PDE6D: variants seen among roughly 807,000 people sequenced by gnomAD.
PDE6D encodes phosphodiesterase 6D, also known as retinal rod rhodopsin-sensitive cGMP 3',5'-cyclic phosphodiesterase subunit delta.
PDE6D carries 10 observed loss-of-function variants against 21.9 expected under a neutral mutation model. The observed-to-expected ratio is 0.46, with a 90% CI of 0.28 to 0.78. The LOEUF (loss-of-function observed/expected upper bound fraction) is 0.78, where lower values mean the gene tolerates loss of function less well. PDE6D is among the 30% of genes least tolerant of loss of function. The pLI is 0.12. For missense variants in PDE6D, 139 were observed against 184.8 expected, an observed-to-expected ratio of 0.75 and a Z score of 1.44; for synonymous variants, 59 against 63.5, an observed-to-expected ratio of 0.93 and a Z score of 0.34.
chr2:231,737,024 T>C (rs1487233961), intron 4 of PDE6D, among the ~76,000 whole-genome samples, 163 bp downstream of exon 4: 2 of 152,208 alleles, frequency 1.3e-5, no homozygotes, highest in African/African-American at 4.8e-5. Context: ...GTCTTTTTCA[T>C]ATGAAAAAGG....
chr2:231,763,020 T>C (rs2048944092), intron 1 of PDE6D, among the ~76,000 whole-genome samples: 1 of 152,154 alleles, frequency 6.6e-6, no homozygotes, highest in Admixed American at 6.5e-5. Flanking sequence ...AAAAATGCAC[T>C]GGTTCTAAGA....
intron 1 of PDE6D, among the ~76,000 whole-genome samples, chr2:231,761,300 G>A (rs1461485011): frequency 1.3e-5 from 2 of 151,822 alleles, no homozygotes; most frequent in African/African-American, 4.8e-5. Context: ...TCAGCCTCCC[G>A]AGTAGCTGGG....
At chr2:231,760,572 T>C (rs2048917650) in intron 1 of PDE6D, among the ~76,000 whole-genome samples, 1 of 152,148 alleles carries the variant, frequency 6.6e-6, no homozygotes, top group African/African-American at 2.4e-5. Context: ...TAACTTTATA[T>C]GACACCCCCA....
Position 231,775,486 on chromosome 2 carries a change from TG to T in PDE6D, c.50+5578del, listed in dbSNP as rs906066079. Among the ~76,000 whole-genome samples, 22 of 94,750 alleles carry T rather than the reference TG, an allele frequency of 2.3e-4. 1 individual carries two copies. The highest frequency in any genetic ancestry group is 4.3e-4 in the African/African-American group (12 of 28,150). The allele number at this position is 94,750 out of a possible 152,430, so 62.2% of individuals were successfully genotyped here. A position where few individuals can be genotyped will look rare whatever the true frequency, so the allele number is the denominator to read the frequency against. On this transcript the variant is annotated intron_variant, in intron 1 of 4. Transcript: ENST00000287600. ...ACCACACCTGGCTAATTTTTGTGTG[TG>T]TTTTTTTTTTTTTTTTGTAGAGGCG...
In PDE6D at chr2:231,738,911, C is replaced by A. The variant is rs562924234; in HGVS notation, c.139+189G>T. On this transcript the variant is annotated intron_variant, in intron 2 of 4. Transcript: ENST00000287600. ...ATCCAGCCTGGGTGATAGAGCAAGA[C>A]TGTGTCTCAAAAAAAAAAAAAAAAA... Among the ~76,000 whole-genome samples the A allele has an allele frequency of 2.3e-3, 270 of 115,802 alleles. 1 individual carries two copies. The highest frequency in any genetic ancestry group is 8.5e-3 in the African/African-American group (253 of 29,646). 76.0% of individuals were successfully genotyped at this position (115,802 alleles called of 152,430 possible).
intron 1 of PDE6D, among the ~76,000 whole-genome samples, chr2:231,743,428 C>CA (rs34916848): frequency 0.011 from 669 of 58,288 alleles, 10 homozygotes; most frequent in South Asian, 0.016. Flanking sequence ...GATTCCGTCT[C>CA]AAAAAAAAAA....
At chr2:231,750,248 C>A (rs1338529248) in intron 1 of PDE6D, among the ~76,000 whole-genome samples, 2 of 152,090 alleles carry the variant, frequency 1.3e-5, no homozygotes, top group African/African-American at 2.4e-5. Context: ...CCAATTAAAC[C>A]TTTTTCCCCC....
At chr2:231,736,071 G>A (rs1191509329) in intron 4 of PDE6D, among the ~76,000 whole-genome samples, 2 of 151,876 alleles carry the variant, frequency 1.3e-5, no homozygotes, top group Admixed American at 1.3e-4. Context: ...AGGCATGGTG[G>A]CACATGCCTG....
chr2:231,739,249 G>C lies in PDE6D; in HGVS notation c.51-61C>G, dbSNP rs1441989526. ...AAAGTGACTCCCACTTTGTATTCTA[G>C]GTGTCTCATGTTTACTCCCACCAAC... On this transcript the variant is annotated intron_variant, in intron 1 of 4. Transcript: ENST00000287600. The surrounding 1 kb of genome is among the most constrained non-coding windows in gnomAD (Gnocchi z 4.2). The C allele has an allele frequency of 2.0e-6, 2 of 1,023,834 alleles. No homozygotes were observed. The highest frequency in any genetic ancestry group is 3.1e-6 in the Non-Finnish European group (2 of 642,278). The allele number at this position is 1,023,834 out of a possible 1,614,324, so 63.4% of individuals were successfully genotyped here. A position where few individuals can be genotyped will look rare whatever the true frequency, so the allele number is the denominator to read the frequency against.
chr2:231,759,557 C>T (rs551804472), intron 1 of PDE6D, among the ~76,000 whole-genome samples: 2 of 152,160 alleles, frequency 1.3e-5, no homozygotes, highest in South Asian at 2.1e-4. Context: ...AAACCCTTGG[C>T]TACAGTGCTG....
At chr2:231,763,543 T>A (rs1303302062) in intron 1 of PDE6D, among the ~76,000 whole-genome samples, 2 of 152,196 alleles carry the variant, frequency 1.3e-5, no homozygotes, top group Admixed American at 6.5e-5. Flanking sequence ...GTGTTTAAAA[T>A]TTTTAATAAC....
At chr2:231,736,135 T>C (rs965354505) in intron 4 of PDE6D, among the ~76,000 whole-genome samples, 3 of 152,006 alleles carry the variant, frequency 2.0e-5, no homozygotes, top group Admixed American at 1.3e-4. Context: ...GCCCAGGAGT[T>C]GGAGTCCAGC....
intron 1 of PDE6D, among the ~76,000 whole-genome samples, chr2:231,755,806 G>C (rs986830430): frequency 6.6e-5 from 10 of 152,244 alleles, no homozygotes; most frequent in Admixed American, 3.3e-4. Flanking sequence ...CGTAATCCCA[G>C]CTACTTAGGA....
chr2:231,737,862 G>T, intron 3 of PDE6D, 151 bp downstream of exon 3: 1 of 710,044 alleles, frequency 1.4e-6, no homozygotes, highest in African/African-American at 1.8e-5. Flanking sequence ...GTTTCACTGG[G>T]GATTCACAGT....
chr2:231,740,840 C>T (rs1283678753), intron 1 of PDE6D, among the ~76,000 whole-genome samples: 3 of 151,638 alleles, frequency 2.0e-5, no homozygotes, highest in Admixed American at 6.6e-5. Context: ...AAGAAAATTT[C>T]GTAGATGGAA....
At chr2:231,748,110 C>T (rs1033469581) in intron 1 of PDE6D, among the ~76,000 whole-genome samples, 2 of 152,050 alleles carry the variant, frequency 1.3e-5, no homozygotes, top group Non-Finnish European at 2.9e-5. Flanking sequence ...GAAAAGATAC[C>T]TGAAAATGTG....
At chr2:231,735,407 T>A (rs567586139) in intron 4 of PDE6D, among the ~76,000 whole-genome samples, 24 of 149,452 alleles carry the variant, frequency 1.6e-4, no homozygotes, top group African/African-American at 5.6e-4. Context: ...TCAAGTGATC[T>A]CCTGCCTCAG....
At chr2:231,772,493 A>C (rs2049023293) in intron 1 of PDE6D, among the ~76,000 whole-genome samples, 3 of 152,238 alleles carry the variant, frequency 2.0e-5, no homozygotes, top group Non-Finnish European at 4.4e-5. Flanking sequence ...TGACAATTTG[A>C]GTTTTACGCA....
At chr2:231,734,138 C>T (rs1417441712) in intron 4 of PDE6D, among the ~76,000 whole-genome samples, 3 of 151,454 alleles carry the variant, frequency 2.0e-5, no homozygotes, top group South Asian at 2.1e-4. Context: ...GGTGGGAACC[C>T]GGGAGGCGGA....
Sources: gnomAD v4.1 joint callset for allele counts (sites outside exome capture counted in the v4.1 genomes callset) on GRCh38, gnomAD v4.1.1 for gene constraint, Gnocchi (gnomAD v3.1) non-coding constraint, MANE v1.5 for transcripts, NCBI Gene and HGNC (gene_info 2026-07-23, HGNC 2026-07-21) for gene names.